Variants in PCDHGA8 observed in about 807,000 individuals in gnomAD.
The protein encoded by PCDHGA8 is protocadherin gamma-A8.
PCDHGA8 carries 45 observed loss-of-function variants against 59.2 expected under a neutral mutation model. That is an observed-to-expected ratio of 0.76 (90% CI 0.60 to 0.98). The LOEUF is 0.98. Ranked by LOEUF, PCDHGA8 falls within the 50% of genes least tolerant of loss-of-function variation. The pLI, the probability that PCDHGA8 is intolerant of heterozygous loss-of-function variation, is 0.00. For missense variants in PCDHGA8, 1,257 were observed against 1,196.2 expected, an observed-to-expected ratio of 1.05 and a Z score of -0.75; for synonymous variants, 531 against 519.0, an observed-to-expected ratio of 1.02 and a Z score of -0.32.
chr5:141,394,805 G>A lies in PCDHGA8; in HGVS notation c.1992G>A (p.Val664=). ...LSATVTLTVA[V]ADSIPEVLTE... is the part of the protein sequence containing the mutation. ...CCACTGTCACGCTCACCGTAGCCGTGGCTGACAGCATCCCCGAAGTCCTGA... is the reference window on the plus strand; with the variant it reads ...CCACTGTCACGCTCACCGTAGCCGTAGCTGACAGCATCCCCGAAGTCCTGA... The change falls in exon 1 of 4, where the codon GTG becomes GTA. Residue 664 remains valine, a synonymous_variant. Coordinates refer to ENST00000398604, the MANE Select transcript of PCDHGA8 (RefSeq NM_032088.2). 6.2e-7 allele frequency: 1 copy of A among 1,613,860 alleles called. No individual in the cohort carries two copies. Among genetic ancestry groups the A allele is most frequent in the Non-Finnish European group, 8.5e-7 (1 of 1,180,016 alleles).
rs994878374 is a variant in PCDHGA8, at chr5:141,491,785, C to T, written c.2425-3022C>T. ...TCCTCATAAGGGATTGAACTTGCAT[C>T]CACTCCTCTCCGGCCGGCTTGGTCG... is the stretch of plus-strand genomic sequence containing the variant. On this transcript the variant is annotated intron_variant, in intron 1 of 3. Transcript: ENST00000398604. The surrounding 1 kb of genome is among the most constrained non-coding windows in gnomAD (Gnocchi z 6.9). 20 of 1,529,458 alleles carry T rather than the reference C, an allele frequency of 1.3e-5. No individual in the cohort carries two copies. Among genetic ancestry groups the T allele is most frequent in the Non-Finnish European group, 1.8e-5 (20 of 1,139,198 alleles). The allele number at this position is 1,529,458 out of a possible 1,614,324, so 94.7% of individuals were successfully genotyped here. A position where few individuals can be genotyped will look rare whatever the true frequency, so the allele number is the denominator to read the frequency against.
At chr5:141,438,949 A>G (rs538626951) in intron 1 of PCDHGA8, among the ~76,000 whole-genome samples, 1 of 152,170 alleles carries the variant, frequency 6.6e-6, no homozygotes, top group East Asian at 1.9e-4. Flanking sequence ...TATAGGCATG[A>G]GCCACCGCAC....
intron 1 of PCDHGA8, chr5:141,421,469 G>C (rs767500900): frequency 2.5e-6 from 4 of 1,614,122 alleles, no homozygotes; most frequent in Non-Finnish European, 3.4e-6. Context: ...GTGAATCCGC[G>C]AAGCGGCAGC....
chr5:141,480,914 G>A (rs959577133), intron 1 of PCDHGA8, among the ~76,000 whole-genome samples: 18 of 151,978 alleles, frequency 1.2e-4, no homozygotes, highest in South Asian at 4.2e-4. Flanking sequence ...GCATGGTGGC[G>A]CATACCTGTA....
Position 141,395,157 on chromosome 5 carries a change from C to G in PCDHGA8, c.2344C>G (p.Gln782Glu). The G allele has an allele frequency of 1.2e-6, 2 of 1,614,174 alleles. No homozygotes were observed. The highest frequency in any genetic ancestry group is 1.7e-6 in the Non-Finnish European group (2 of 1,179,998). Residue 782 changes from glutamine to glutamate, a missense_variant, in exon 1 of 4, where the codon CAG becomes GAG. Physicochemically the swap from Gln to Glu is conservative, Grantham distance 29. Coordinates refer to ENST00000398604, the MANE Select transcript of PCDHGA8 (RefSeq NM_032088.2). ...CAACTACGCAGACATGCTCATCAGT[C>G]AGGAGGGCTGTGAGAAAAATGATTC... ...QPNYADMLIS[Q>E]EGCEKNDSLL...
rs1360364370 is a variant in PCDHGA8, at chr5:141,491,814, G to A, written c.2425-2993G>A. 1 of 1,486,114 alleles carries A rather than the reference G, an allele frequency of 6.7e-7. No individual in the cohort carries two copies. The allele number at this position is 1,486,114 out of a possible 1,614,324, so 92.1% of individuals were successfully genotyped here. On this transcript the variant is annotated intron_variant, in intron 1 of 3. Transcript: ENST00000398604. This position sits in a 1 kb window ranked among gnomAD's most constrained non-coding sequence, Gnocchi z 6.9. ...TCCTCTCCGGCCGGCTTGGTCGCTGGCTGCGCTCCACCCGATTCTCGGGAT... is the reference window on the plus strand; with the variant it reads ...TCCTCTCCGGCCGGCTTGGTCGCTGACTGCGCTCCACCCGATTCTCGGGAT...
intron 2 of PCDHGA8, among the ~76,000 whole-genome samples, chr5:141,502,024 C>T (rs2099812413): frequency 2.0e-5 from 3 of 152,152 alleles, no homozygotes; most frequent in Admixed American, 1.3e-4. Context: ...TCCCTGCAAC[C>T]CCCGCCGCTT....
intron 1 of PCDHGA8, chr5:141,415,014 C>T (rs747951360): frequency 1.2e-6 from 2 of 1,613,620 alleles, no homozygotes; most frequent in Non-Finnish European, 1.7e-6. Context: ...ACCGTCTGCT[C>T]AAGGCCAGCG....
intron 1 of PCDHGA8, 41 bp from the exon 2 acceptor site, chr5:141,494,766 C>T (rs1017994327): frequency 6.2e-7 from 1 of 1,614,038 alleles, no homozygotes; most frequent in Non-Finnish European, 8.5e-7. Flanking sequence ...ATTCTAACTT[C>T]TCACGGGTAC....
rs746968245 is a variant in PCDHGA8, at chr5:141,489,575, A to AC, written c.2425-5227dup. 2 of 1,613,788 alleles carry AC rather than the reference A, an allele frequency of 1.2e-6. No homozygotes were observed. Among genetic ancestry groups the AC allele is most frequent in the Non-Finnish European group, 1.7e-6 (2 of 1,179,960 alleles). On this transcript the variant is annotated intron_variant, in intron 1 of 3. Coordinates refer to ENST00000398604, the MANE Select transcript of PCDHGA8 (RefSeq NM_032088.2). The surrounding 1 kb of genome is among the most constrained non-coding windows in gnomAD (Gnocchi z 4.5). ...CTGCCAGTGCAGGTGGTGACTGAACACCCCCTGGAGCTAATCCGTGTAGAG... is the reference window on the plus strand; with the variant it reads ...CTGCCAGTGCAGGTGGTGACTGAACACCCCCCTGGAGCTAATCCGTGTAGAG...
chr5:141,476,770 C>T lies in PCDHGA8; in HGVS notation c.2425-18037C>T, dbSNP rs1452363016. 6.2e-7 allele frequency: 1 copy of T among 1,613,568 alleles called. No homozygotes were observed. The highest frequency in any genetic ancestry group is 8.5e-7 in the Non-Finnish European group (1 of 1,180,020). ...TCCAGTTAGTGCTGACGGCGTTGGA[C>T]GGAGGGACCCCAGCTCTCTCCGCCA... On this transcript the variant is annotated intron_variant, in intron 1 of 3. Coordinates refer to ENST00000398604, the MANE Select transcript of PCDHGA8 (RefSeq NM_032088.2). This position sits in a 1 kb window ranked among gnomAD's most constrained non-coding sequence, Gnocchi z 7.6.
intron 1 of PCDHGA8, among the ~76,000 whole-genome samples, chr5:141,402,647 A>C (rs2094289901): frequency 6.6e-6 from 1 of 152,250 alleles, no homozygotes; most frequent in Non-Finnish European, 1.5e-5. Flanking sequence ...TCATAATTAG[A>C]AGAGAGTAGT....
intron 1 of PCDHGA8, among the ~76,000 whole-genome samples, chr5:141,482,981 A>T (rs1377809325): frequency 6.7e-6 from 1 of 150,250 alleles, no homozygotes; most frequent in Admixed American, 6.6e-5. Flanking sequence ...GCTACTTGAG[A>T]GGTCGAGGCA....
intron 2 of PCDHGA8, among the ~76,000 whole-genome samples, chr5:141,497,893 C>T (rs1194262199): frequency 6.6e-6 from 1 of 152,132 alleles, no homozygotes; most frequent in Non-Finnish European, 1.5e-5. Flanking sequence ...GGATCTAGTC[C>T]AGTAACTTCA....
At chr5:141,439,622 TCC>T (rs1374759651) in intron 1 of PCDHGA8, among the ~76,000 whole-genome samples, 1 of 152,134 alleles carries the variant, frequency 6.6e-6, no homozygotes, top group Non-Finnish European at 1.5e-5. Context: ...AATGAGCCAA[TCC>T]CCAGACATTC....
In PCDHGA8 at chr5:141,428,010, G is replaced by C. The variant is rs544491298; in HGVS notation, c.2424+32773G>C. The C allele has an allele frequency of 1.2e-4, 192 of 1,603,004 alleles. 6 individuals are homozygous for C. In the South Asian group the frequency reaches 2.0e-3, roughly 17 times the overall value. ...CGATGGCTCCGCACTCTTCGATATA[G>C]TGCCACGCGCCGCAGAGTCCGGCTA... On this transcript the variant is annotated intron_variant, in intron 1 of 3. Transcript: ENST00000398604.
intron 1 of PCDHGA8, chr5:141,440,247 T>C (rs1158469276): frequency 1.3e-5 from 2 of 152,296 alleles, no homozygotes; most frequent in Non-Finnish European, 2.9e-5. Context: ...GGCGAGCAGA[T>C]TACGAGGTCA....
intron 1 of PCDHGA8, chr5:141,413,488 C>T (rs2095648022): frequency 3.1e-6 from 5 of 1,613,868 alleles, no homozygotes; most frequent in Non-Finnish European, 3.4e-6. Context: ...TCAGAGCGCG[C>T]GGTGCGTGGT....
At chr5:141,473,733 G>A (rs943072050) in intron 1 of PCDHGA8, among the ~76,000 whole-genome samples, 19 of 152,214 alleles carry the variant, frequency 1.2e-4, no homozygotes, top group Admixed American at 3.9e-4. Flanking sequence ...GAGAGAGGGA[G>A]AAGACATGAG....
Sources: gnomAD v4.1 joint callset for allele counts (sites outside exome capture counted in the v4.1 genomes callset) on GRCh38, gnomAD v4.1.1 for gene constraint, Gnocchi (gnomAD v3.1) non-coding constraint, MANE v1.5 for transcripts, NCBI Gene and HGNC (gene_info 2026-07-23, HGNC 2026-07-21) for gene names.